Variants in BLTP3A observed in about 807,000 individuals in gnomAD.
The protein encoded by BLTP3A is bridge-like lipid transfer protein family member 3A.
chr6:34,867,872 A>G, the BLTP3A span, among the ~76,000 whole-genome samples: 1 of 152,170 alleles, frequency 6.6e-6, no homozygotes, highest in Non-Finnish European at 1.5e-5. Flanking sequence ...ATAGATGAGG[A>G]CAGTGTCCAC....
At chr6:34,823,447 TTACAC>T in the BLTP3A span, 1 of 976,630 alleles carries the variant, frequency 1.0e-6, no homozygotes, top group Non-Finnish European at 1.6e-6. Flanking sequence ...ATTTTCAAAC[TTACAC>T]TAAAGTAAAG....
the BLTP3A span, among the ~76,000 whole-genome samples, chr6:34,836,855 G>A: frequency 6.6e-6 from 1 of 152,184 alleles, no homozygotes; most frequent in Non-Finnish European, 1.5e-5. Flanking sequence ...TAGAACAACT[G>A]CCATTATATA....
the BLTP3A span, among the ~76,000 whole-genome samples, chr6:34,829,045 A>AG: frequency 7.6e-6 from 1 of 132,244 alleles, no homozygotes; most frequent in Non-Finnish European, 1.7e-5. Flanking sequence ...AAAAAAAAAA[A>AG]AAAAAAAAGA....
the BLTP3A span, among the ~76,000 whole-genome samples, chr6:34,839,474 C>A: frequency 7.6e-3 from 1,154 of 152,258 alleles, 21 homozygotes; most frequent in African/African-American, 0.025. Flanking sequence ...TGAAATGTGG[C>A]TGATTCAAAT....
the BLTP3A span, among the ~76,000 whole-genome samples, chr6:34,812,729 T>C: frequency 1.1e-4 from 17 of 152,172 alleles, no homozygotes; most frequent in South Asian, 2.1e-4. Context: ...GCTGGGACTA[T>C]AGGTGTGAGC....
At chr6:34,857,779 T>G in the BLTP3A span, 1 of 1,614,218 alleles carries the variant, frequency 6.2e-7, no homozygotes, top group East Asian at 2.2e-5. Context: ...CTATGGATCC[T>G]GTCAGTTTGC....
the BLTP3A span, among the ~76,000 whole-genome samples, chr6:34,816,163 CACTT>C: frequency 1.5e-4 from 23 of 152,288 alleles, no homozygotes; most frequent in East Asian, 1.7e-3. Context: ...AGATACTTAG[CACTT>C]ACTTAGTATA....
chr6:34,824,568 A>AC, the BLTP3A span, among the ~76,000 whole-genome samples: 1 of 151,570 alleles, frequency 6.6e-6, no homozygotes. Context: ...CAAAAAAAAA[A>AC]AAAAACCCAA....
chr6:34,832,419 C>T, the BLTP3A span, among the ~76,000 whole-genome samples: 3 of 151,830 alleles, frequency 2.0e-5, no homozygotes, highest in Admixed American at 1.3e-4. Flanking sequence ...CTGTGCCCAG[C>T]GTTTTTTCTT....
the BLTP3A span, chr6:34,821,413 TAG>T: frequency 4.4e-5 from 20 of 456,354 alleles, no homozygotes; most frequent in South Asian, 9.4e-5. Flanking sequence ...TTATATGGTG[TAG>T]AGATGGTGTG....
the BLTP3A span, among the ~76,000 whole-genome samples, chr6:34,851,862 C>T: frequency 3.9e-5 from 6 of 152,192 alleles, no homozygotes; most frequent in African/African-American, 1.4e-4. Context: ...TCTTTCCCTT[C>T]CTTTCCTTAT....
the BLTP3A span, among the ~76,000 whole-genome samples, chr6:34,794,293 C>G: frequency 1.3e-5 from 2 of 152,140 alleles, no homozygotes; most frequent in Non-Finnish European, 2.9e-5. Context: ...ATCAAAACAT[C>G]TCATGTACCC....
the BLTP3A span, among the ~76,000 whole-genome samples, chr6:34,817,648 A>T: frequency 6.6e-6 from 1 of 152,148 alleles, no homozygotes; most frequent in Admixed American, 6.6e-5. Flanking sequence ...GGATGCCTGC[A>T]TATGTGTTAT....
At chr6:34,823,351 T>G in the BLTP3A span, 3 of 1,612,562 alleles carry the variant, frequency 1.9e-6, no homozygotes, top group Non-Finnish European at 2.5e-6. Context: ...GGACAGAGGT[T>G]AGTTTCTTTG....
chr6:34,847,348 C>A, the BLTP3A span, among the ~76,000 whole-genome samples: 1 of 151,886 alleles, frequency 6.6e-6, no homozygotes, highest in African/African-American at 2.4e-5. Flanking sequence ...AGTATTCCTC[C>A]TCTATTTTTT....
At chr6:34,858,692 A>G in the BLTP3A span, 5 of 1,614,234 alleles carry the variant, frequency 3.1e-6, no homozygotes, top group South Asian at 1.1e-5. Flanking sequence ...AAGACTGAAC[A>G]TGACTTGAAA....
chr6:34,844,190 G>A, the BLTP3A span, among the ~76,000 whole-genome samples: 1 of 152,080 alleles, frequency 6.6e-6, no homozygotes, highest in African/African-American at 2.4e-5. Context: ...CACCATGTTA[G>A]TCAGGATGGT....
chr6:34,792,398 C>A, the BLTP3A span: 2 of 1,191,794 alleles, frequency 1.7e-6, no homozygotes, highest in Non-Finnish European at 2.2e-6. Context: ...TCTCTCCAGC[C>A]CGGAGCCCGG....
At chr6:34,818,646 C>T in the BLTP3A span, among the ~76,000 whole-genome samples, 101 of 152,166 alleles carry the variant, frequency 6.6e-4, no homozygotes, top group African/African-American at 2.3e-3. Flanking sequence ...GAGAAATAAG[C>T]GTTATCCATA....
Sources: allele counts gnomAD v4.1 joint callset (sites outside exome capture counted in the v4.1 genomes callset), GRCh38; gene constraint gnomAD v4.1.1; transcripts MANE v1.5; gene names NCBI Gene and HGNC (gene_info 2026-07-23, HGNC 2026-07-21).